Variants in NTM observed in about 807,000 individuals in gnomAD.
The protein encoded by NTM is IgLON family member 2.
A neutral mutation model predicts 42.1 loss-of-function variants in NTM; 13 were observed. The ratio of observed to expected loss-of-function variants is 0.31; its 90% CI spans 0.20 to 0.49. The LOEUF (loss-of-function observed/expected upper bound fraction) is 0.49. Ranked by LOEUF, NTM falls within the 20% of genes least tolerant of loss-of-function variation. NTM has a pLI of 0.99. For synonymous variants in NTM, 187 were observed against 179.2 expected (o/e 1.04, Z -0.35); for missense variants, 373 against 452.8 (o/e 0.82, Z 1.60).
intron 1 of NTM, among the ~76,000 whole-genome samples, chr11:131,399,487 A>G (rs1424808795): frequency 1.3e-5 from 2 of 152,158 alleles, no homozygotes; most frequent in African/African-American, 4.8e-5. Flanking sequence ...GTTCATTTTT[A>G]CAAGATTGCT....
intron 7 of NTM, among the ~76,000 whole-genome samples, chr11:132,328,636 G>C (rs1283753900): frequency 6.6e-6 from 1 of 151,738 alleles, no homozygotes; most frequent in Non-Finnish European, 1.5e-5. Context: ...GCCCATCACT[G>C]TCTGGATGAG....
At chr11:131,541,710 C>T (rs548882012) in intron 1 of NTM, among the ~76,000 whole-genome samples, 1 of 152,276 alleles carries the variant, frequency 6.6e-6, no homozygotes, top group African/African-American at 2.4e-5. Context: ...AAAATAGGGC[C>T]TGTAGAGAAA....
intron 2 of NTM, among the ~76,000 whole-genome samples, chr11:132,068,707 G>A (rs1477112593): frequency 1.3e-5 from 2 of 152,200 alleles, no homozygotes; most frequent in Non-Finnish European, 2.9e-5. Context: ...CATCAAAAGG[G>A]GTGCATTGCA....
intron 1 of NTM, among the ~76,000 whole-genome samples, chr11:131,594,405 AT>A (rs1429646725): frequency 1.3e-5 from 2 of 151,798 alleles, no homozygotes; most frequent in South Asian, 2.1e-4. Context: ...AAGTTTACCA[AT>A]TTTTTTTAAG....
chr11:132,012,950 T>G (rs2072561063), intron 2 of NTM, among the ~76,000 whole-genome samples: 1 of 152,124 alleles, frequency 6.6e-6, no homozygotes, highest in Admixed American at 6.5e-5. Context: ...TAGAGAGATT[T>G]GTGAGGAAGA....
intron 1 of NTM, among the ~76,000 whole-genome samples, chr11:131,631,073 G>T (rs1488770412): frequency 6.6e-6 from 1 of 152,202 alleles, no homozygotes; most frequent in African/African-American, 2.4e-5. Context: ...AGGAAGTACG[G>T]CATAGCAGTT....
chr11:131,866,132 C>T (rs1315538226), intron 1 of NTM, among the ~76,000 whole-genome samples: 1 of 151,360 alleles, frequency 6.6e-6, no homozygotes, highest in Non-Finnish European at 1.5e-5. Context: ...GCCTCACATA[C>T]ACATGCATGC....
In NTM at chr11:132,002,617, C is replaced by T. The variant is rs575207248; in HGVS notation, c.167+90969C>T. ...ACTTTCTGCCTCTAGTATCCCCAAA[C>T]TTATGTTTTGTTTTTTCTTTTTCTC... On this transcript the variant is annotated intron_variant, in intron 2 of 8. Coordinates refer to ENST00000683400, the MANE Select transcript of NTM (RefSeq NM_001352005.2). This position sits in a 1 kb window ranked among gnomAD's most constrained non-coding sequence, Gnocchi z 4.5. Among the ~76,000 whole-genome samples, 1 of 152,294 alleles carries T rather than the reference C, an allele frequency of 6.6e-6. No homozygotes were observed. The highest frequency in any genetic ancestry group is 2.1e-4 in the South Asian group (1 of 4,828).
At chr11:132,039,145 G>A (rs1468457761) in intron 2 of NTM, among the ~76,000 whole-genome samples, 2 of 152,288 alleles carry the variant, frequency 1.3e-5, no homozygotes, top group East Asian at 3.9e-4. Flanking sequence ...TGAGGTCTGT[G>A]CTCCAACCTT....
chr11:132,103,875 G>A (rs1453110358), intron 2 of NTM, among the ~76,000 whole-genome samples: 1 of 152,168 alleles, frequency 6.6e-6, no homozygotes, highest in Admixed American at 6.5e-5. Context: ...ACAGAGGGTG[G>A]GCAAATGCCT....
intron 1 of NTM, among the ~76,000 whole-genome samples, chr11:131,775,879 G>C (rs1391294386): frequency 6.6e-6 from 1 of 152,198 alleles, no homozygotes; most frequent in Non-Finnish European, 1.5e-5. Context: ...TGGGAGAGTA[G>C]CTATGCATAA....
chr11:132,318,361 G>A (rs1168657464), intron 7 of NTM, among the ~76,000 whole-genome samples: 1 of 152,118 alleles, frequency 6.6e-6, no homozygotes, highest in Admixed American at 6.5e-5. Flanking sequence ...ATGTTACAAA[G>A]GCTTTGAAAA....
intron 1 of NTM, among the ~76,000 whole-genome samples, chr11:131,815,565 G>A (rs1349819849): frequency 2.0e-5 from 3 of 152,166 alleles, no homozygotes; most frequent in Non-Finnish European, 4.4e-5. Flanking sequence ...AGCCAGCGAG[G>A]AATGAAACCA....
intron 1 of NTM, among the ~76,000 whole-genome samples, chr11:131,471,112 T>C (rs1414552754): frequency 6.6e-6 from 1 of 152,174 alleles, no homozygotes; most frequent in Non-Finnish European, 1.5e-5. Context: ...AAACTGAAGC[T>C]CACAGACATG....
At chr11:132,058,278 G>A (rs1275933877) in intron 2 of NTM, among the ~76,000 whole-genome samples, 3 of 152,138 alleles carry the variant, frequency 2.0e-5, no homozygotes, top group South Asian at 2.1e-4. Context: ...GCTGGAATGT[G>A]TGCTGGTTTC....
chr11:131,443,055 A>T (rs1949753265), intron 1 of NTM, among the ~76,000 whole-genome samples: 1 of 152,196 alleles, frequency 6.6e-6, no homozygotes, highest in Non-Finnish European at 1.5e-5. Flanking sequence ...AGAAATACCC[A>T]TACTATTTTC....
chr11:131,371,719 A>C (rs1263541382), intron 1 of NTM, among the ~76,000 whole-genome samples: 1 of 152,092 alleles, frequency 6.6e-6, no homozygotes, highest in Non-Finnish European at 1.5e-5. Flanking sequence ...CCCACACCCC[A>C]TCCCGGCTCT....
chr11:132,101,670 G>A (rs9630204), intron 2 of NTM, among the ~76,000 whole-genome samples: 106,845 of 151,664 alleles, frequency 0.7, 38,340 homozygotes, highest in African/African-American at 0.77. Context: ...ATTTCTCACC[G>A]AGCTCTTCCA....
chr11:132,041,225 GAT>G (rs1257354655), intron 2 of NTM, among the ~76,000 whole-genome samples: 36 of 100,200 alleles, frequency 3.6e-4, no homozygotes, highest in African/African-American at 9.7e-4. Context: ...GAGAGAGAGA[GAT>G]AGATAGAGAG....
Sources: allele counts gnomAD v4.1 joint callset (sites outside exome capture counted in the v4.1 genomes callset), GRCh38; gene constraint gnomAD v4.1.1; non-coding constraint Gnocchi (gnomAD v3.1); transcripts MANE v1.5; gene names NCBI Gene and HGNC (gene_info 2026-07-23, HGNC 2026-07-21).